Variants in MYBPC2 observed in about 807,000 individuals in gnomAD.
MYBPC2 encodes myosin binding protein C2, also known as myosin-binding protein C, fast-type.
In MYBPC2, 122 loss-of-function variants were observed where a neutral mutation model predicts 137.0. The observed-to-expected ratio is 0.89, with a 90% CI of 0.77 to 1.03. The LOEUF is 1.03. Ranked by LOEUF, MYBPC2 falls within the 50% of genes least tolerant of loss-of-function variation. The pLI, the probability that MYBPC2 is intolerant of heterozygous loss-of-function variation, is 0.00. For synonymous variants in MYBPC2, 626 were observed against 612.3 expected, an observed-to-expected ratio of 1.02 and a Z score of -0.33; for missense variants, 1,500 against 1,534.4, an observed-to-expected ratio of 0.98 and a Z score of 0.37.
chr19:50,447,554 C>G (rs929672430), intron 12 of MYBPC2, among the ~76,000 whole-genome samples: 1 of 152,000 alleles, frequency 6.6e-6, no homozygotes, highest in Non-Finnish European at 1.5e-5. Context: ...CATGGCAAGA[C>G]CCCGTCTGTA....
chr19:50,435,841 G>A lies in MYBPC2; in HGVS notation c.175G>A (p.Asp59Asn), dbSNP rs2039697604. The change falls in exon 3 of 28, where the codon GAC (aspartate) becomes AAC (asparagine). Residue 59 changes from aspartate (D) to asparagine (N), a missense_variant. Physicochemically the swap from Asp to Asn is conservative, Grantham distance 23. Transcript: ENST00000357701. This position sits in a 1 kb window ranked among gnomAD's most constrained non-coding sequence, Gnocchi z 4.8. ...EPTGVFLKKP[D>N]SVSVETGKDA... ...CACCGGCGTTTTCCTGAAGAAGCCG[G>A]ACTCCGTCTCAGTGGAGACTGGTGA... The A allele has an allele frequency of 6.2e-7, 1 of 1,602,924 alleles. No homozygotes were observed. Among genetic ancestry groups the A allele is most frequent in the Non-Finnish European group, 8.5e-7 (1 of 1,174,654 alleles).
rs1288531699 is a variant in MYBPC2 at position 50,454,184 on chromosome 19, GC to G, written c.1909+6del. ...CCATCTTCCTGCAAGTTGTAGGTGA[GC>G]AGAGAAAGCCGAGGTGGCTGGGCCA... On this transcript the variant is annotated splice_donor_region_variant and intron_variant, in intron 17 of 27. Transcript: ENST00000357701. 1 of 1,613,904 alleles carries G rather than the reference GC, an allele frequency of 6.2e-7. No individual in the cohort carries two copies. Among genetic ancestry groups the G allele is most frequent in the Non-Finnish European group, 8.5e-7 (1 of 1,179,868 alleles).
rs1187092612 is a variant in MYBPC2, at chr19:50,458,930, T to A, written c.2519T>A (p.Ile840Asn). Reference sequence around the variant, plus strand: ...TTTGCGCCCTCAGAGCCACCCAAGATCCGGCTTCCCCGCCATCTCCGCCAG... The same window carrying A: ...TTTGCGCCCTCAGAGCCACCCAAGAACCGGCTTCCCCGCCATCTCCGCCAG... ...TIREIAEPPK[I>N]RLPRHLRQTY... Residue 840 changes from isoleucine to asparagine, a missense_variant, in exon 22 of 28, where the codon ATC (isoleucine) becomes AAC (asparagine). Ile to Asn is a moderately radical substitution (Grantham distance 149). Coordinates refer to ENST00000357701, the MANE Select transcript of MYBPC2 (RefSeq NM_004533.4). 2 of 1,611,494 alleles carry A rather than the reference T, an allele frequency of 1.2e-6. No individual in the cohort carries two copies. Among genetic ancestry groups the A allele is most frequent in the East Asian group, 2.2e-5 (1 of 44,830 alleles).
rs375511988 is a variant in MYBPC2, at chr19:50,460,221, G to A, written c.2931+42G>A. Reference sequence around the variant, plus strand: ...GGAGATGGGGAAGAGCCGGTGAGGTGGGCAGAGCAGGTGCAGATGTCCCCC... The same window carrying A: ...GGAGATGGGGAAGAGCCGGTGAGGTAGGCAGAGCAGGTGCAGATGTCCCCC... On this transcript the variant is annotated intron_variant, in intron 24 of 27. Coordinates refer to ENST00000357701, the MANE Select transcript of MYBPC2 (RefSeq NM_004533.4). The A allele has an allele frequency of 4.6e-4, 712 of 1,562,720 alleles. 3 individuals carry two copies. The African/African-American group carries it at 8.6e-3, about 19-fold the overall frequency.
chr19:50,435,793 C>G lies in MYBPC2; in HGVS notation c.127C>G (p.Gln43Glu). ...EAPKEAPPED[Q>E]SPTAEEPTGV... ...CTGAACAGAAGCCCCACCCGAGGAC[C>G]AGTCCCCGACTGCAGAGGAGCCCAC... Residue 43 changes from glutamine (Q) to glutamate (E), a missense_variant, in exon 3 of 28, where the codon CAG (glutamine) becomes GAG (glutamate). Transcript: ENST00000357701. This position sits in a 1 kb window ranked among gnomAD's most constrained non-coding sequence, Gnocchi z 4.8. The G allele has an allele frequency of 1.2e-6, 2 of 1,610,406 alleles. No individual in the cohort carries two copies. The highest frequency in any genetic ancestry group is 1.1e-5 in the South Asian group (1 of 90,568).
chr19:50,449,891 C>G (rs1042782059), intron 13 of MYBPC2, among the ~76,000 whole-genome samples: 3 of 152,074 alleles, frequency 2.0e-5, no homozygotes, highest in Admixed American at 6.6e-5. Context: ...CATGGTGGCT[C>G]ACACCTATAA....
chr19:50,461,005 A>ATTT (rs112521100), intron 24 of MYBPC2, among the ~76,000 whole-genome samples: 2 of 127,870 alleles, frequency 1.6e-5, no homozygotes, highest in African/African-American at 5.9e-5. Flanking sequence ...TTTCTTTTAA[A>ATTT]TTTTTTTTTT....
Position 50,455,409 on chromosome 19 carries a change from C to G in MYBPC2, c.2204-101C>G, listed in dbSNP as rs540314628. On this transcript the variant is annotated intron_variant, in intron 19 of 27. Transcript: ENST00000357701. ...CCGCCATCAATCTCTGACCCTACCC[C>G]CTGGCCTTCTGACCAATCATTCTAC... 4 of 1,561,588 alleles carry G rather than the reference C, an allele frequency of 2.6e-6. No homozygotes were observed. In the Admixed American group the frequency reaches 5.2e-5, roughly 20 times the overall value.
At chr19:50,436,581 G>A in intron 4 of MYBPC2, 36 bp from the exon 5 acceptor site, 1 of 1,565,186 alleles carries the variant, frequency 6.4e-7, no homozygotes. Flanking sequence ...TCTAGAGGGT[G>A]GTCCCGTGCA....
In MYBPC2 at chr19:50,435,277, C is replaced by A; in HGVS notation, c.109+27C>A. ...TGAGGAGGTGCTCCCTCGGGCTCAA[C>A]CGACCTGGCTTCTCATCTCCATCCT... On this transcript the variant is annotated intron_variant, in intron 2 of 27. Coordinates refer to ENST00000357701, the MANE Select transcript of MYBPC2 (RefSeq NM_004533.4). This position sits in a 1 kb window ranked among gnomAD's most constrained non-coding sequence, Gnocchi z 4.8. The A allele has an allele frequency of 1.2e-6, 1 of 818,132 alleles. No individual in the cohort carries two copies. Among genetic ancestry groups the A allele is most frequent in the Non-Finnish European group, 2.1e-6 (1 of 474,612 alleles). 50.7% of individuals were successfully genotyped at this position (818,132 alleles called of 1,614,324 possible).
Position 50,461,895 on chromosome 19 carries a change from C to A in MYBPC2, c.3092-5C>A. The A allele has an allele frequency of 6.3e-7, 1 of 1,594,566 alleles. No homozygotes were observed. Among genetic ancestry groups the A allele is most frequent in the Non-Finnish European group, 8.5e-7 (1 of 1,170,086 alleles). On this transcript the variant is annotated splice_polypyrimidine_tract_variant and splice_region_variant and intron_variant, in intron 25 of 27. Coordinates refer to ENST00000357701, the MANE Select transcript of MYBPC2 (RefSeq NM_004533.4). Reference sequence around the variant, plus strand: ...TCGCCTTACGGGTGCATCCTCTCTCCCCAGGAATCACCTTCAAACCGTTCG... The same window carrying A: ...TCGCCTTACGGGTGCATCCTCTCTCACCAGGAATCACCTTCAAACCGTTCG...
Position 50,437,537 on chromosome 19 carries a change from C to T in MYBPC2, c.512+16C>T, listed in dbSNP as rs766009562. On this transcript the variant is annotated intron_variant, in intron 6 of 27. Transcript: ENST00000357701. ...TCAAGCGTACGTAAGTGACCCCAGGCCCTTACCAGGGTCCCAAGGACCATG... is the reference window on the plus strand; with the variant it reads ...TCAAGCGTACGTAAGTGACCCCAGGTCCTTACCAGGGTCCCAAGGACCATG... 1.9e-6 allele frequency: 3 copies of T among 1,608,262 alleles called. No individual in the cohort carries two copies. The highest frequency in any genetic ancestry group is 2.5e-6 in the Non-Finnish European group (3 of 1,177,360).
intron 27 of MYBPC2, among the ~76,000 whole-genome samples, 153 bp downstream of exon 27, chr19:50,464,685 G>A (rs1412345014): frequency 6.6e-6 from 1 of 152,182 alleles, no homozygotes; most frequent in Non-Finnish European, 1.5e-5. Context: ...CCTGAAGGCA[G>A]CACAGGGCAT....
chr19:50,434,318 C>T (rs1405008659), intron 1 of MYBPC2, among the ~76,000 whole-genome samples: 1 of 152,186 alleles, frequency 6.6e-6, no homozygotes, highest in African/African-American at 2.4e-5. Flanking sequence ...AATCTTGCCA[C>T]TGCACTCCAG....
At chr19:50,464,084 T>C (rs1321689870) in intron 26 of MYBPC2, 8 of 381,106 alleles carry the variant, frequency 2.1e-5, no homozygotes, top group Non-Finnish European at 3.9e-5. Flanking sequence ...TCAAAGAGTG[T>C]GGGACCCTGT....
chr19:50,448,005 C>T (rs918492140), intron 12 of MYBPC2, among the ~76,000 whole-genome samples: 2 of 152,152 alleles, frequency 1.3e-5, no homozygotes, highest in Non-Finnish European at 2.9e-5. Context: ...CTGGTAGATT[C>T]CTCCCTGCCT....
chr19:50,451,390 G>A (rs2039856319), intron 15 of MYBPC2, 81 bp downstream of exon 15: 1 of 1,337,932 alleles, frequency 7.5e-7, no homozygotes, highest in African/African-American at 1.5e-5. Context: ...GCCGAGGGAG[G>A]ATAGGCAGGG....
chr19:50,452,429 A>G (rs181435359), intron 16 of MYBPC2, among the ~76,000 whole-genome samples: 1 of 151,930 alleles, frequency 6.6e-6, no homozygotes, highest in African/African-American at 2.4e-5. Flanking sequence ...TATATAATCT[A>G]TCTAATCTAT....
chr19:50,441,008 G>T lies in MYBPC2; in HGVS notation c.701G>T (p.Gly234Val). The T allele has an allele frequency of 6.2e-7, 1 of 1,611,870 alleles. No homozygotes were observed. Among genetic ancestry groups the T allele is most frequent in the Admixed American group, 1.7e-5 (1 of 59,682 alleles). ...TACGAGAAAATCGCCTTCCAGTATG[G>T]CATCACCGACCTCCGGGGCATGCTG... ...SEYEKIAFQYGITDLRGMLKR... is the reference protein window; with the variant it reads ...SEYEKIAFQYVITDLRGMLKR... Residue 234 changes from glycine to valine, a missense_variant, in exon 8 of 28, where the codon GGC becomes GTC. Physicochemically the swap from Gly to Val is moderately radical, Grantham distance 109 (BLOSUM62 -3). Coordinates refer to ENST00000357701, the MANE Select transcript of MYBPC2 (RefSeq NM_004533.4).
Sources: allele counts gnomAD v4.1 joint callset (sites outside exome capture counted in the v4.1 genomes callset), GRCh38; gene constraint gnomAD v4.1.1; non-coding constraint Gnocchi (gnomAD v3.1); transcripts MANE v1.5; gene names NCBI Gene and HGNC (gene_info 2026-07-23, HGNC 2026-07-21).